KIAA0319L: variants seen among roughly 807,000 people sequenced by gnomAD.
KIAA0319L encodes KIAA0319 like.
A neutral mutation model predicts 120.1 loss-of-function variants in KIAA0319L; 55 were observed. The ratio of observed to expected loss-of-function variants is 0.46; its 90% CI spans 0.37 to 0.57. The LOEUF (loss-of-function observed/expected upper bound fraction) is 0.57, where lower values mean the gene tolerates loss of function less well. Ranked by LOEUF, KIAA0319L falls within the 20% of genes least tolerant of loss-of-function variation. The pLI, the probability that KIAA0319L is intolerant of heterozygous loss-of-function variation, is 0.00. For missense variants in KIAA0319L, 1,049 were observed against 1,255.3 expected (o/e 0.84, Z 2.48); for synonymous variants, 398 against 471.9 (o/e 0.84, Z 2.03).
intron 3 of KIAA0319L, among the ~76,000 whole-genome samples, chr1:35,486,738 A>C (rs1470068193): frequency 1.2e-5 from 1 of 85,254 alleles, no homozygotes; most frequent in Non-Finnish European, 1.8e-5. Context: ...CCATTTCTAC[A>C]AAAAAAAAAA....
At chr1:35,531,351 C>A (rs1646360017) in intron 2 of KIAA0319L, among the ~76,000 whole-genome samples, 1 of 152,190 alleles carries the variant, frequency 6.6e-6, no homozygotes, top group Non-Finnish European at 1.5e-5. Flanking sequence ...TGGGCCCAAC[C>A]AGTGTCTTGC....
intron 9 of KIAA0319L, among the ~76,000 whole-genome samples, chr1:35,457,185 G>A (rs888176353): frequency 2.6e-5 from 4 of 151,908 alleles, no homozygotes; most frequent in Admixed American, 2.6e-4. Context: ...CCCACCCAAG[G>A]GCTATATAGT....
intron 2 of KIAA0319L, among the ~76,000 whole-genome samples, chr1:35,537,414 T>C (rs1258154643): frequency 6.6e-6 from 1 of 151,122 alleles, no homozygotes. Context: ...TGGCTTGTTT[T>C]GTTGTTTTTA....
intron 20 of KIAA0319L, chr1:35,440,487 A>C (rs1489595354): frequency 1.3e-5 from 2 of 153,532 alleles, no homozygotes; most frequent in Non-Finnish European, 2.9e-5. Context: ...CGGAGGAAGG[A>C]AGGCCTACTA....
At chr1:35,483,650 G>C (rs1644259511) in intron 3 of KIAA0319L, among the ~76,000 whole-genome samples, 1 of 152,112 alleles carries the variant, frequency 6.6e-6, no homozygotes, top group African/African-American at 2.4e-5. Context: ...TAGCTAGATA[G>C]TTTAAGTCCT....
chr1:35,444,260 T>C lies in KIAA0319L; in HGVS notation c.2557A>G (p.Ile853Val). ...FFVQNEPPHQ[I>V]FKGHEVAAML... ...GCTGCCACCTCATGGCCTTTGAAGATCTGGTGGGGAGGCTCGTTTTGAACA... is the reference window on the plus strand; with the variant it reads ...GCTGCCACCTCATGGCCTTTGAAGACCTGGTGGGGAGGCTCGTTTTGAACA... Residue 853 changes from isoleucine to valine, a missense_variant, in exon 17 of 21, where the codon ATC becomes GTC. By Grantham distance (29) the Ile-to-Val change is conservative. Transcript: ENST00000325722. The C allele has an allele frequency of 6.2e-7, 1 of 1,609,500 alleles. No homozygotes were observed. The highest frequency in any genetic ancestry group is 1.7e-5 in the Admixed American group (1 of 59,046).
chr1:35,498,636 T>A (rs1490856139), intron 3 of KIAA0319L, among the ~76,000 whole-genome samples: 1 of 152,144 alleles, frequency 6.6e-6, no homozygotes, highest in African/African-American at 2.4e-5. Context: ...GCAATTAATG[T>A]CATAATTAAA....
intron 2 of KIAA0319L, among the ~76,000 whole-genome samples, chr1:35,553,292 T>C (rs1647432951): frequency 6.6e-6 from 1 of 151,540 alleles, no homozygotes; most frequent in African/African-American, 2.4e-5. Context: ...TTAATTCTAA[T>C]GATCTTATAT....
Position 35,458,500 on chromosome 1 carries a change from A to T in KIAA0319L, c.1427+1805T>A, listed in dbSNP as rs565622438. ...TCATATCATTTCATAGATTTTTTTT[A>T]AAATGAAGGTTAGGAAAAAAAAATC... On this transcript the variant is annotated intron_variant, in intron 9 of 20. Coordinates refer to ENST00000325722, the MANE Select transcript of KIAA0319L (RefSeq NM_024874.5). 1.6e-4 allele frequency among the ~76,000 whole-genome samples: 24 copies of T among 152,236 alleles called. 1 individual carries two copies. The East Asian group carries it at 3.3e-3, about 21-fold the overall frequency.
At chr1:35,541,483 G>A (rs1558648965) in intron 2 of KIAA0319L, among the ~76,000 whole-genome samples, 1 of 151,536 alleles carries the variant, frequency 6.6e-6, no homozygotes, top group Non-Finnish European at 1.5e-5. Context: ...CTGAGTAGCT[G>A]GGATAACAGA....
chr1:35,439,487 G>A (rs1167609183), intron 20 of KIAA0319L: 4 of 152,248 alleles, frequency 2.6e-5, no homozygotes, highest in African/African-American at 9.6e-5. Flanking sequence ...ATCCACAGAT[G>A]AATGAGACAG....
intron 3 of KIAA0319L, among the ~76,000 whole-genome samples, chr1:35,485,127 A>C (rs149981580): frequency 6.6e-6 from 1 of 151,516 alleles, no homozygotes; most frequent in Non-Finnish European, 1.5e-5. Context: ...TTTTCCTTGC[A>C]TGTCTTATAA....
chr1:35,435,011 A>G lies in KIAA0319L; in HGVS notation c.3033T>C (p.Asp1011=), dbSNP rs1240940811. The G allele has an allele frequency of 6.2e-7, 1 of 1,614,168 alleles. No homozygotes were observed. The highest frequency in any genetic ancestry group is 1.3e-5 in the African/African-American group (1 of 75,046). ...MHSESELDSD[D]AIFTWPDREK... is the part of the protein sequence containing the mutation. ...CTCGGTCTGGCCATGTAAAGATGGCATCATCGCTGTCCAGCTCTGACTCGG... is the reference window on the plus strand; with the variant it reads ...CTCGGTCTGGCCATGTAAAGATGGCGTCATCGCTGTCCAGCTCTGACTCGG... The change falls in exon 21 of 21, where the codon GAT becomes GAC. Residue 1011 remains aspartate, a synonymous_variant. Coordinates refer to ENST00000325722, the MANE Select transcript of KIAA0319L (RefSeq NM_024874.5).
intron 19 of KIAA0319L, 130 bp downstream of exon 19, chr1:35,442,115 TG>T (rs1641271107): frequency 1.4e-6 from 1 of 720,548 alleles, no homozygotes; most frequent in Non-Finnish European, 2.5e-6. Context: ...ATGCCTTAGG[TG>T]GGTCAGAACT....
intron 2 of KIAA0319L, among the ~76,000 whole-genome samples, chr1:35,521,985 T>TA (rs1399589993): frequency 2.0e-5 from 3 of 150,798 alleles, no homozygotes; most frequent in African/African-American, 7.3e-5. Flanking sequence ...AAATAAAAAA[T>TA]AAAAAATAAA....
upstream of KIAA0319L, chr1:35,557,507 C>G: frequency 2.8e-6 from 1 of 362,162 alleles, no homozygotes; most frequent in Non-Finnish European, 5.4e-6. Context: ...GCCGCGAGAC[C>G]AAGGGGGAGG....
At chr1:35,509,558 T>C (rs1212512119) in intron 2 of KIAA0319L, among the ~76,000 whole-genome samples, 2 of 152,176 alleles carry the variant, frequency 1.3e-5, no homozygotes, top group African/African-American at 4.8e-5. Flanking sequence ...CAGCAACCAC[T>C]AGAAGCTAGG....
At chr1:35,458,906 G>C (rs752860034) in intron 9 of KIAA0319L, among the ~76,000 whole-genome samples, 5 of 151,720 alleles carry the variant, frequency 3.3e-5, no homozygotes, top group Non-Finnish European at 5.9e-5. Flanking sequence ...TGTTGTACTG[G>C]CAGCTACTTT....
intron 2 of KIAA0319L, among the ~76,000 whole-genome samples, chr1:35,523,814 G>C (rs1363939981): frequency 6.6e-6 from 1 of 152,212 alleles, no homozygotes; most frequent in Non-Finnish European, 1.5e-5. Flanking sequence ...GAGAAAGCCA[G>C]TCTCAAAATA....
Sources: allele counts gnomAD v4.1 joint callset (sites outside exome capture counted in the v4.1 genomes callset), GRCh38; gene constraint gnomAD v4.1.1; transcripts MANE v1.5; gene names NCBI Gene and HGNC (gene_info 2026-07-23, HGNC 2026-07-21).